Variants in LDAH observed in about 807,000 individuals in gnomAD.
LDAH encodes the protein lipid droplet associated hydrolase.
In LDAH, 26 loss-of-function variants were observed where a neutral mutation model predicts 29.6. The ratio of observed to expected loss-of-function variants is 0.88; its 90% CI spans 0.64 to 1.22. The LOEUF (loss-of-function observed/expected upper bound fraction) is 1.22. Ranked by LOEUF, LDAH falls within the 50% of genes most tolerant of loss-of-function variation. The pLI is 0.00. For synonymous variants in LDAH, 117 were observed against 133.0 expected (o/e 0.88, Z 0.83); for missense variants, 344 against 387.3 (o/e 0.89, Z 0.94).
At chr2:20,780,431 G>T (rs1670115992) in intron 3 of LDAH, among the ~76,000 whole-genome samples, 1 of 152,038 alleles carries the variant, frequency 6.6e-6, no homozygotes, top group African/African-American at 2.4e-5. Flanking sequence ...GGCATAAAAA[G>T]TGTGTTACTT....
chr2:20,810,760 A>T (rs1672417167), intron 1 of LDAH, among the ~76,000 whole-genome samples: 1 of 152,226 alleles, frequency 6.6e-6, no homozygotes, highest in South Asian at 2.1e-4. Flanking sequence ...GCAGGAGATA[A>T]GCGGCAAGCA....
At chr2:20,785,304 G>A (rs551099212) in intron 3 of LDAH, among the ~76,000 whole-genome samples, 1 of 152,136 alleles carries the variant, frequency 6.6e-6, no homozygotes, top group South Asian at 2.1e-4. Context: ...ACTTTTGAAG[G>A]ATGATTTCAC....
intron 1 of LDAH, among the ~76,000 whole-genome samples, chr2:20,819,301 C>T (rs750468059): frequency 6.6e-6 from 1 of 151,992 alleles, no homozygotes; most frequent in Non-Finnish European, 1.5e-5. Flanking sequence ...AAACTACTTA[C>T]CTATATTAAA....
chr2:20,709,941 T>C (rs1211133255), intron 5 of LDAH, among the ~76,000 whole-genome samples: 2 of 152,084 alleles, frequency 1.3e-5, no homozygotes, highest in Non-Finnish European at 2.9e-5. Context: ...AAAGCAGTAG[T>C]TAGAGAGAAA....
At chr2:20,782,316 T>G (rs1436147172) in intron 3 of LDAH, among the ~76,000 whole-genome samples, 1 of 152,226 alleles carries the variant, frequency 6.6e-6, no homozygotes, top group Admixed American at 6.5e-5. Flanking sequence ...TGTTTTCAAC[T>G]TTCAAAGTTG....
intron 5 of LDAH, among the ~76,000 whole-genome samples, chr2:20,721,128 G>A (rs555156217): frequency 1.3e-5 from 2 of 152,152 alleles, no homozygotes; most frequent in Admixed American, 6.6e-5. Context: ...ATAGACAAAT[G>A]GGATTACACC....
In LDAH at chr2:20,748,977, G is replaced by A. The variant is rs192387480; in HGVS notation, c.469-8772C>T. Among the ~76,000 whole-genome samples, 25 of 152,240 alleles carry A rather than the reference G, an allele frequency of 1.6e-4. No individual in the cohort carries two copies. The East Asian group carries it at 4.6e-3, about 28-fold the overall frequency. ...GTTAAAAACCCCAATATTTAAAAGC[G>A]CAGGCCTAGCATGACTGGGAGGGGG... is the stretch of plus-strand genomic sequence containing the variant. On this transcript the variant is annotated intron_variant, in intron 4 of 6. Coordinates refer to ENST00000237822, the MANE Select transcript of LDAH (RefSeq NM_021925.4).
At chr2:20,808,656 T>C (rs1572679229) in intron 1 of LDAH, among the ~76,000 whole-genome samples, 2 of 119,226 alleles carry the variant, frequency 1.7e-5, no homozygotes, top group African/African-American at 8.3e-5. Context: ...AGACTCCGTC[T>C]CAAAAAAAAA....
intron 4 of LDAH, among the ~76,000 whole-genome samples, chr2:20,740,980 C>T (rs557519255): frequency 2.2e-4 from 34 of 152,224 alleles, no homozygotes; most frequent in Admixed American, 1.6e-3. Context: ...ACAGGTGTGG[C>T]GTTATCTCAC....
intron 4 of LDAH, among the ~76,000 whole-genome samples, chr2:20,758,470 A>C (rs942934242): frequency 6.6e-6 from 1 of 152,226 alleles, no homozygotes; most frequent in Non-Finnish European, 1.5e-5. Flanking sequence ...TAGAATGTTA[A>C]GTCAGAAGAA....
intron 5 of LDAH, among the ~76,000 whole-genome samples, chr2:20,715,703 G>A (rs1665127204): frequency 6.6e-6 from 1 of 152,172 alleles, no homozygotes; most frequent in African/African-American, 2.4e-5. Flanking sequence ...CAAAATCAAT[G>A]TGCAAAAATC....
chr2:20,793,865 A>C (rs1671130503), intron 2 of LDAH, among the ~76,000 whole-genome samples: 3 of 152,182 alleles, frequency 2.0e-5, no homozygotes, highest in African/African-American at 7.2e-5. Flanking sequence ...ATTAGAATTT[A>C]AGTTAAAAAT....
intron 5 of LDAH, among the ~76,000 whole-genome samples, chr2:20,719,754 C>T (rs1169639084): frequency 6.6e-6 from 1 of 151,978 alleles, no homozygotes; most frequent in Non-Finnish European, 1.5e-5. Context: ...TTCAGTAACA[C>T]ATTGAAAAGA....
intron 3 of LDAH, among the ~76,000 whole-genome samples, chr2:20,779,185 T>C (rs1670014611): frequency 6.6e-6 from 1 of 152,168 alleles, no homozygotes; most frequent in Non-Finnish European, 1.5e-5. Context: ...ACAACTTGCA[T>C]GTAAAAATTG....
intron 5 of LDAH, among the ~76,000 whole-genome samples, chr2:20,730,541 C>T (rs1666326621): frequency 6.6e-6 from 1 of 152,000 alleles, no homozygotes. Flanking sequence ...GTGATCACAC[C>T]CAGCTAGTCT....
chr2:20,776,638 A>G (rs1021632775), intron 3 of LDAH, among the ~76,000 whole-genome samples: 12 of 152,210 alleles, frequency 7.9e-5, no homozygotes, highest in African/African-American at 2.9e-4. Context: ...AGAATTGGGA[A>G]GAGAGAGAAT....
intron 5 of LDAH, among the ~76,000 whole-genome samples, chr2:20,719,068 G>C (rs1244047287): frequency 1.3e-5 from 2 of 151,576 alleles, no homozygotes; most frequent in African/African-American, 2.4e-5. Flanking sequence ...AAAAATACAG[G>C]CTTCAAATAA....
chr2:20,755,129 T>TTGTGTGTG lies in LDAH; in HGVS notation c.469-14932_469-14925dup, dbSNP rs70939051. ...AAGAAGAAATATTGTGTGTCTGTGT[T>TTGTGTGTG]TGTGTGTGTGTGTGTGTGTGTGTGT... is the stretch of plus-strand genomic sequence containing the variant. On this transcript the variant is annotated intron_variant, in intron 4 of 6. Transcript: ENST00000237822. 4.6e-4 allele frequency among the ~76,000 whole-genome samples: 55 copies of TTGTGTGTG among 118,292 alleles called. 1 individual carries two copies. Among genetic ancestry groups the TTGTGTGTG allele is most frequent in the African/African-American group, 1.7e-3 (47 of 27,506 alleles). 77.6% of individuals were successfully genotyped at this position (118,292 alleles called of 152,430 possible).
At chr2:20,799,122 G>A (rs1159291751) in intron 2 of LDAH, among the ~76,000 whole-genome samples, 4 of 151,808 alleles carry the variant, frequency 2.6e-5, no homozygotes, top group African/African-American at 7.3e-5. Context: ...AGCTACTGAT[G>A]AGGCTGATAC....
Sources: allele counts gnomAD v4.1 joint callset (sites outside exome capture counted in the v4.1 genomes callset), GRCh38; gene constraint gnomAD v4.1.1; transcripts MANE v1.5; gene names NCBI Gene and HGNC (gene_info 2026-07-23, HGNC 2026-07-21).